UNC5C: variants seen among roughly 807,000 people sequenced by gnomAD.
UNC5C encodes netrin receptor UNC5C.
In UNC5C, 47 loss-of-function variants were observed where a neutral mutation model predicts 99.8. The ratio of observed to expected loss-of-function variants is 0.47; its 90% CI spans 0.37 to 0.60. The LOEUF (loss-of-function observed/expected upper bound fraction) is 0.60. Among genes scored for constraint, UNC5C ranks in the 20% least tolerant of loss-of-function variants. The pLI is 0.00. For synonymous variants in UNC5C, 487 were observed against 452.2 expected, an observed-to-expected ratio of 1.08 and a Z score of -0.98; for missense variants, 1,062 against 1,165.9, an observed-to-expected ratio of 0.91 and a Z score of 1.30.
At chr4:95,380,186 T>C (rs1472533704) in intron 1 of UNC5C, among the ~76,000 whole-genome samples, 2 of 152,182 alleles carry the variant, frequency 1.3e-5, no homozygotes, top group Non-Finnish European at 2.9e-5. Flanking sequence ...GCTCTTACTT[T>C]TGTTTTAGCT....
chr4:95,244,964 C>A lies in UNC5C; in HGVS notation c.943+13G>T. The A allele has an allele frequency of 6.2e-7, 1 of 1,613,410 alleles. No homozygotes were observed. Among genetic ancestry groups the A allele is most frequent in the South Asian group, 1.1e-5 (1 of 90,902 alleles). ...ATAGGAGATACTTGGAATGAGAGGA[C>A]TGGTTTATTTACCTGGGCATAACGT... On this transcript the variant is annotated intron_variant, in intron 6 of 15. Transcript: ENST00000453304.
chr4:95,288,974 T>C (rs1238359016), intron 3 of UNC5C, among the ~76,000 whole-genome samples: 1 of 152,196 alleles, frequency 6.6e-6, no homozygotes, highest in Non-Finnish European at 1.5e-5. Flanking sequence ...TATCCTGCTG[T>C]GGTGGTTACA....
At chr4:95,387,673 T>C (rs1477364109) in intron 1 of UNC5C, among the ~76,000 whole-genome samples, 1 of 152,232 alleles carries the variant, frequency 6.6e-6, no homozygotes, top group Non-Finnish European at 1.5e-5. Flanking sequence ...CCATGAACTT[T>C]TGTAATCTGC....
At chr4:95,511,750 C>T (rs984003876) in intron 1 of UNC5C, among the ~76,000 whole-genome samples, 6 of 152,006 alleles carry the variant, frequency 3.9e-5, no homozygotes, top group East Asian at 3.9e-4. Flanking sequence ...AGGGTTTTCT[C>T]GTACATGTGG....
chr4:95,390,814 A>G (rs1410786019), intron 1 of UNC5C, among the ~76,000 whole-genome samples: 1 of 151,950 alleles, frequency 6.6e-6, no homozygotes, highest in Admixed American at 6.6e-5. Context: ...GCAAGCTCAA[A>G]CTCCTGGACT....
chr4:95,393,830 T>G (rs991252301), intron 1 of UNC5C, among the ~76,000 whole-genome samples: 4 of 150,728 alleles, frequency 2.7e-5, no homozygotes, highest in Non-Finnish European at 5.9e-5. Context: ...ATCCAAATAG[T>G]AATTCTTATA....
chr4:95,537,183 A>T (rs767206930), intron 1 of UNC5C, among the ~76,000 whole-genome samples: 3 of 152,192 alleles, frequency 2.0e-5, no homozygotes, highest in Non-Finnish European at 4.4e-5. Flanking sequence ...TAAATAAAAG[A>T]TGTGATGCCT....
intron 1 of UNC5C, among the ~76,000 whole-genome samples, chr4:95,506,734 TA>T (rs1245258821): frequency 1.3e-5 from 2 of 151,852 alleles, no homozygotes; most frequent in African/African-American, 4.8e-5. Context: ...TTAAGAAAAC[TA>T]ATAAATACTT....
Position 95,170,287 on chromosome 4 carries a change from T to A in UNC5C, c.2497A>T (p.Ile833Phe). 6.2e-7 allele frequency: 1 copy of A among 1,614,124 alleles called. No homozygotes were observed. Among genetic ancestry groups the A allele is most frequent in the Admixed American group, 1.7e-5 (1 of 60,018 alleles). ...GCACTGGGCCCCGTGACCGTGGTGA[T>A]GGTGTTCGCAGGATCCAGCAGCGGC... is the stretch of plus-strand genomic sequence containing the variant. ...DLPLLDPANT[I>F]TTVTGPSAFS... The change falls in exon 15 of 16, where the codon ATC becomes TTC. Residue 833 changes from isoleucine (I) to phenylalanine (F), a missense_variant. By Grantham distance (21) the Ile-to-Phe change is conservative. This residue lies in a region of UNC5C where 810 missense variants were observed against 854.5 expected (regional missense o/e 0.95). Transcript: ENST00000453304.
intron 2 of UNC5C, among the ~76,000 whole-genome samples, chr4:95,317,349 A>C (rs1204061931): frequency 6.6e-6 from 1 of 152,214 alleles, no homozygotes; most frequent in Admixed American, 6.5e-5. Context: ...AATTCAAGCC[A>C]TCTGGGAAGC....
chr4:95,435,217 C>T (rs1746742204), intron 1 of UNC5C, among the ~76,000 whole-genome samples: 1 of 152,016 alleles, frequency 6.6e-6, no homozygotes, highest in African/African-American at 2.4e-5. Context: ...CTTCTCAGTG[C>T]AAAACCCAGT....
At chr4:95,531,747 C>T (rs1161269240) in intron 1 of UNC5C, among the ~76,000 whole-genome samples, 2 of 152,122 alleles carry the variant, frequency 1.3e-5, no homozygotes, top group African/African-American at 4.8e-5. Flanking sequence ...ACTACTCTAC[C>T]CCTGTTCCTA....
At chr4:95,274,863 T>C (rs541123482) in intron 4 of UNC5C, among the ~76,000 whole-genome samples, 27 of 151,998 alleles carry the variant, frequency 1.8e-4, no homozygotes, top group Non-Finnish European at 3.7e-4. Flanking sequence ...CCGTCTCTAC[T>C]AAAAATACAA....
chr4:95,513,700 G>C (rs1425273047), intron 1 of UNC5C, among the ~76,000 whole-genome samples: 1 of 152,128 alleles, frequency 6.6e-6, no homozygotes, highest in Non-Finnish European at 1.5e-5. Context: ...AGGAGGGGCA[G>C]GCATTAACGC....
At chr4:95,369,733 G>A (rs1172930158) in intron 1 of UNC5C, among the ~76,000 whole-genome samples, 2 of 152,174 alleles carry the variant, frequency 1.3e-5, no homozygotes, top group African/African-American at 4.8e-5. Context: ...AACTGGGGCC[G>A]CTATATTGGA....
At chr4:95,375,989 C>T (rs1021613674) in intron 1 of UNC5C, among the ~76,000 whole-genome samples, 1 of 151,964 alleles carries the variant, frequency 6.6e-6, no homozygotes, top group African/African-American at 2.4e-5. Context: ...GGAGGCGGAG[C>T]TTGCAGTGAG....
intron 2 of UNC5C, among the ~76,000 whole-genome samples, chr4:95,322,965 G>C (rs1280277505): frequency 6.7e-6 from 1 of 149,424 alleles, no homozygotes; most frequent in African/African-American, 2.5e-5. Flanking sequence ...AAAAGAAAAA[G>C]CCGAAGGTCA....
At chr4:95,301,276 A>T (rs1741864368) in intron 3 of UNC5C, among the ~76,000 whole-genome samples, 1 of 149,602 alleles carries the variant, frequency 6.7e-6, no homozygotes, top group African/African-American at 2.5e-5. Flanking sequence ...GCTCACTGCA[A>T]GCTCTGCCTC....
intron 10 of UNC5C, 73 bp from the exon 11 acceptor site, chr4:95,206,869 G>C: frequency 2.4e-6 from 3 of 1,262,732 alleles, no homozygotes; most frequent in Non-Finnish European, 3.1e-6. Context: ...GGGTTCTGAA[G>C]GCAAACAGGT....
Sources: allele counts gnomAD v4.1 joint callset (sites outside exome capture counted in the v4.1 genomes callset), GRCh38; gene constraint gnomAD v4.1.1; regional missense constraint gnomAD v4.1.1; transcripts MANE v1.5; gene names NCBI Gene and HGNC (gene_info 2026-07-23, HGNC 2026-07-21).